VPS35L: variants seen among roughly 807,000 people sequenced by gnomAD.
VPS35L encodes VPS35 endosomal protein sorting factor like.
VPS35L carries 83 observed loss-of-function variants against 133.0 expected under a neutral mutation model. That is an observed-to-expected ratio of 0.62 (90% confidence interval 0.52 to 0.75). The LOEUF (loss-of-function observed/expected upper bound fraction) is 0.75, where lower values mean the gene tolerates loss of function less well. Ranked by LOEUF, VPS35L falls within the 30% of genes least tolerant of loss-of-function variation. The pLI, the probability that VPS35L is intolerant of heterozygous loss-of-function variation, is 0.00. For synonymous variants in VPS35L, 423 were observed against 449.9 expected (o/e 0.94, Z 0.76); for missense variants, 1,083 against 1,206.8 (o/e 0.90, Z 1.52).
At chr16:19,672,242 C>T (rs1974901930) in intron 27 of VPS35L, among the ~76,000 whole-genome samples, 1 of 152,188 alleles carries the variant, frequency 6.6e-6, no homozygotes, top group South Asian at 2.1e-4. Context: ...TGGGATCAAC[C>T]ATGTTTGGCA....
At chr16:19,573,445 T>C (rs1971444002) in intron 4 of VPS35L, 1 of 504,516 alleles carries the variant, frequency 2.0e-6, no homozygotes, top group Non-Finnish European at 3.4e-6. Context: ...CAAAAAAAAA[T>C]GTTAAGGATC....
At chr16:19,696,464 A>G (rs937992234) in intron 29 of VPS35L, among the ~76,000 whole-genome samples, 3 of 152,180 alleles carry the variant, frequency 2.0e-5, no homozygotes, top group Non-Finnish European at 4.4e-5. Flanking sequence ...CATTTTAATC[A>G]CAAGCTGTAT....
chr16:19,608,162 G>T lies in VPS35L; in HGVS notation c.785-16G>T, dbSNP rs1420762955. On this transcript the variant is annotated splice_polypyrimidine_tract_variant and intron_variant, in intron 9 of 30. Coordinates refer to ENST00000417362, the MANE Select transcript of VPS35L (RefSeq NM_020314.7). ...AGATTTAGGAGGGCTGATGGATCTT[G>T]TTTTTTGTATTACAGATCACTTTTC... 1 of 1,588,338 alleles carries T rather than the reference G, an allele frequency of 6.3e-7. No homozygotes were observed. Among genetic ancestry groups the T allele is most frequent in the Non-Finnish European group, 8.6e-7 (1 of 1,156,782 alleles).
At chr16:19,612,737 T>C (rs771501993) in intron 12 of VPS35L, among the ~76,000 whole-genome samples, 4 of 152,202 alleles carry the variant, frequency 2.6e-5, no homozygotes, top group Non-Finnish European at 5.9e-5. Context: ...TGGGGAAGTA[T>C]GTATTTTTTG....
chr16:19,575,439 G>A (rs1435970617), intron 5 of VPS35L, among the ~76,000 whole-genome samples: 1 of 151,598 alleles, frequency 6.6e-6, no homozygotes, highest in Non-Finnish European at 1.5e-5. Context: ...GGTGGCGCAC[G>A]CCCGTAATCC....
At chr16:19,622,140 C>CTTTTTTTTTTTTTTTTT (rs60521137) in intron 14 of VPS35L, among the ~76,000 whole-genome samples, 1 of 107,920 alleles carries the variant, frequency 9.3e-6, no homozygotes, top group East Asian at 3.3e-4. Flanking sequence ...CCATGTATAT[C>CTTTTTTTTTTTTTTTTT]TTTTTTTTTT....
At chr16:19,591,663 G>T in intron 7 of VPS35L, 127 bp from the exon 8 acceptor site, 3 of 652,920 alleles carry the variant, frequency 4.6e-6, no homozygotes, top group Admixed American at 2.6e-5. Context: ...TCAGCACCTC[G>T]CACAGGCCTT....
chr16:19,662,035 A>AT (rs1974500721), intron 26 of VPS35L, among the ~76,000 whole-genome samples: 1 of 138,334 alleles, frequency 7.2e-6, no homozygotes, highest in Non-Finnish European at 1.5e-5. Flanking sequence ...CAAAATATGA[A>AT]TTAAAAAAAA....
chr16:19,641,000 A>C (rs1225104226), intron 21 of VPS35L, among the ~76,000 whole-genome samples: 1 of 152,124 alleles, frequency 6.6e-6, no homozygotes, highest in Admixed American at 6.5e-5. Flanking sequence ...CATCCACCTC[A>C]AAGTGCTGGG....
chr16:19,676,813 T>G (rs1317125723), intron 27 of VPS35L, among the ~76,000 whole-genome samples: 1 of 152,232 alleles, frequency 6.6e-6, no homozygotes, highest in African/African-American at 2.4e-5. Flanking sequence ...ACAGACTTCA[T>G]GTTAAACAAA....
chr16:19,649,968 G>GAA (rs1435434360), intron 24 of VPS35L, among the ~76,000 whole-genome samples: 1 of 152,046 alleles, frequency 6.6e-6, no homozygotes, highest in Non-Finnish European at 1.5e-5. Flanking sequence ...TCTTATTGTT[G>GAA]GTACTGTATA....
chr16:19,581,747 T>C (rs751272815), intron 7 of VPS35L, 94 bp downstream of exon 7: 8 of 1,401,804 alleles, frequency 5.7e-6, no homozygotes. Flanking sequence ...CTGCAGGGTC[T>C]TACTCTTGTT....
chr16:19,669,072 C>T, intron 26 of VPS35L, 88 bp from the exon 27 acceptor site: 4 of 1,405,978 alleles, frequency 2.8e-6, no homozygotes, highest in Admixed American at 2.1e-5. Flanking sequence ...ACCTAACTCT[C>T]AGGACTGGCC....
intron 2 of VPS35L, among the ~76,000 whole-genome samples, chr16:19,565,834 A>G (rs898368315): frequency 6.6e-6 from 1 of 152,182 alleles, no homozygotes; most frequent in Non-Finnish European, 1.5e-5. Flanking sequence ...TATTTGGAAT[A>G]TAAGAGTCAC....
At chr16:19,575,842 T>G (rs1597318951) in intron 5 of VPS35L, among the ~76,000 whole-genome samples, 1 of 125,050 alleles carries the variant, frequency 8.0e-6, no homozygotes, top group African/African-American at 3.1e-5. Flanking sequence ...GCAACAAGAG[T>G]GAAATTCCGT....
intron 27 of VPS35L, among the ~76,000 whole-genome samples, chr16:19,671,766 G>A (rs1974884090): frequency 6.6e-6 from 1 of 152,130 alleles, no homozygotes; most frequent in Non-Finnish European, 1.5e-5. Context: ...AACAGAGCAA[G>A]ACTCCATCTC....
At chr16:19,624,107 C>CTTTTTT (rs1182015325) in intron 14 of VPS35L, among the ~76,000 whole-genome samples, 1 of 65,842 alleles carries the variant, frequency 1.5e-5, no homozygotes, top group Non-Finnish European at 2.8e-5. Flanking sequence ...CCTACCAGGT[C>CTTTTTT]TTTTTTTTTT....
intron 26 of VPS35L, among the ~76,000 whole-genome samples, chr16:19,666,872 T>TTTTC (rs551438290): frequency 0.026 from 2,747 of 106,198 alleles, 129 homozygotes; most frequent in Middle Eastern, 0.048. Context: ...AGGGCCATGT[T>TTTTC]TTTCTTTCTT....
chr16:19,642,247 A>T, intron 21 of VPS35L, 149 bp from the exon 22 acceptor site: 2 of 613,214 alleles, frequency 3.3e-6, no homozygotes, highest in Non-Finnish European at 5.7e-6. Flanking sequence ...ACCAGAGAAC[A>T]TGGCTCGTTA....
Sources: gnomAD v4.1 joint callset for allele counts (sites outside exome capture counted in the v4.1 genomes callset) on GRCh38, gnomAD v4.1.1 for gene constraint, MANE v1.5 for transcripts, NCBI Gene and HGNC (gene_info 2026-07-23, HGNC 2026-07-21) for gene names.